The following GNE variants were observed in gnomAD, a reference collection of about 807,000 sequenced individuals.
GNE encodes glucosamine (UDP-N-acetyl)-2-epimerase/N-acetylmannosamine kinase.
GNE carries 41 observed loss-of-function variants against 61.8 expected under a neutral mutation model. The observed-to-expected ratio is 0.66, with a 90% CI of 0.52 to 0.86. GNE has a LOEUF of 0.86. GNE is among the 40% of genes least tolerant of loss of function. The pLI is 0.00. For missense variants in GNE, 608 were observed against 909.1 expected (o/e 0.67, Z 4.26); for synonymous variants, 264 against 326.4 (o/e 0.81, Z 2.06).
At chr9:36,273,746 C>A (rs977877349) in intron 1 of GNE, among the ~76,000 whole-genome samples, 7 of 148,974 alleles carry the variant, frequency 4.7e-5, no homozygotes, top group Non-Finnish European at 1.0e-4. Context: ...TCAGGTGATT[C>A]TCCTGCCTCA....
chr9:36,270,055 G>A (rs778374590), intron 1 of GNE, among the ~76,000 whole-genome samples: 2 of 152,034 alleles, frequency 1.3e-5, no homozygotes, highest in Non-Finnish European at 2.9e-5. Context: ...TCAAAATCCT[G>A]GGCTCAAGCG....
At chr9:36,267,554 G>A (rs1293374901) in intron 1 of GNE, among the ~76,000 whole-genome samples, 1 of 151,864 alleles carries the variant, frequency 6.6e-6, no homozygotes, top group Non-Finnish European at 1.5e-5. Flanking sequence ...AAATTAGTCA[G>A]GCGTGGTGGC....
At chr9:36,274,115 T>TGTGTGTGTGA (rs1273335048) in intron 1 of GNE, among the ~76,000 whole-genome samples, 3 of 144,566 alleles carry the variant, frequency 2.1e-5, no homozygotes, top group African/African-American at 7.7e-5. Context: ...TGTGTGTGTG[T>TGTGTGTGTGA]GACAGGGTCT....
At chr9:36,259,657 T>G (rs1830540992), upstream of GNE, among the ~76,000 whole-genome samples, 1 of 152,180 alleles carries the variant, frequency 6.6e-6, no homozygotes, top group African/African-American at 2.4e-5. Context: ...CAGATTTCTT[T>G]TTTGTTTGTT....
intron 3 of GNE, 56 bp downstream of exon 3, chr9:36,245,975 C>A: frequency 7.5e-7 from 1 of 1,334,758 alleles, no homozygotes; most frequent in Non-Finnish European, 1.1e-6. Flanking sequence ...TTGAAATAGA[C>A]GGAACATTTT....
chr9:36,229,297 CATCAAACACTT>C (rs1829035728), intron 5 of GNE, among the ~76,000 whole-genome samples, 189 bp from the exon 6 acceptor site: 1 of 152,182 alleles, frequency 6.6e-6, no homozygotes, highest in African/African-American at 2.4e-5. Flanking sequence ...GATTTCAGTA[CATCAAACACTT>C]AAGGGCCCTA....
At chr9:36,223,311 C>A in intron 8 of GNE, 62 bp downstream of exon 8, 3 of 1,457,582 alleles carry the variant, frequency 2.1e-6, no homozygotes, top group South Asian at 1.1e-5. Context: ...GCATGCATCA[C>A]AAGTTAGTAA....
intron 1 of GNE, among the ~76,000 whole-genome samples, chr9:36,274,439 T>C (rs1467790380): frequency 6.6e-6 from 1 of 152,112 alleles, no homozygotes; most frequent in Non-Finnish European, 1.5e-5. Flanking sequence ...CCTGGCCACG[T>C]ACCCTCTTTT....
upstream of GNE, among the ~76,000 whole-genome samples, chr9:36,259,795 G>A (rs1587369515): frequency 1.3e-5 from 2 of 152,194 alleles, no homozygotes; most frequent in Middle Eastern, 6.8e-3. Context: ...CGAGTAGCTG[G>A]GATTACAGGC....
chr9:36,272,277 C>T (rs1349752850), intron 1 of GNE, among the ~76,000 whole-genome samples: 4 of 152,072 alleles, frequency 2.6e-5, no homozygotes, highest in South Asian at 2.1e-4. Flanking sequence ...TCACTATAAT[C>T]GGGAGAGTTT....
chr9:36,227,495 C>T (rs779700432), intron 6 of GNE, 37 bp from the exon 7 acceptor site: 1 of 1,268,108 alleles, frequency 7.9e-7, no homozygotes, highest in Non-Finnish European at 1.2e-6. Flanking sequence ...TTATATGCTT[C>T]TGCCATACAT....
chr9:36,266,532 G>A (rs554875274), intron 1 of GNE, among the ~76,000 whole-genome samples: 10 of 152,280 alleles, frequency 6.6e-5, no homozygotes, highest in African/African-American at 2.4e-4. Flanking sequence ...CCAGCAGTTT[G>A]GGAGGCCGAG....
At chr9:36,223,283 C>T (rs1828690862) in intron 8 of GNE, 90 bp downstream of exon 8, 1 of 1,228,448 alleles carries the variant, frequency 8.1e-7, no homozygotes, top group South Asian at 1.2e-5. Flanking sequence ...ACAGGGCAGA[C>T]ACTGACTTGA....
intron 1 of GNE, chr9:36,263,502 T>TA (rs1440121960): frequency 6.5e-6 from 1 of 154,770 alleles, no homozygotes; most frequent in Non-Finnish European, 1.5e-5. Flanking sequence ...TTCCATTAGT[T>TA]AAGAGTTCAC....
upstream of GNE, among the ~76,000 whole-genome samples, chr9:36,260,085 G>T (rs1830554538): frequency 6.6e-6 from 1 of 151,968 alleles, no homozygotes; most frequent in Non-Finnish European, 1.5e-5. Context: ...CTTAATTATA[G>T]GTTAGATATA....
At chr9:36,259,751 C>T (rs1326624084), upstream of GNE, among the ~76,000 whole-genome samples, 3 of 152,228 alleles carry the variant, frequency 2.0e-5, no homozygotes, top group African/African-American at 7.2e-5. Context: ...ACCTCCACCT[C>T]CCAGGTTCAA....
In GNE at chr9:36,217,527, T is replaced by A. The variant is rs768447757; in HGVS notation, c.2007A>T (p.Gly669=). 8 of 1,614,056 alleles carry A rather than the reference T, an allele frequency of 5.0e-6. No homozygotes were observed. In the South Asian group the frequency reaches 8.8e-5, roughly 18 times the overall value. Residue 669 remains glycine (G), a synonymous_variant, in exon 12 of 12, where the codon GGA becomes GGT. Transcript: ENST00000642385. ...TMNPSLVILS[G]VLASHYIHIV... ...TGTGGATATAGTGACTGGCCAGGAC[T>A]CCGGAGAGGATCACAAGGGAGGGAT...
chr9:36,242,564 T>C (rs2769158), intron 3 of GNE, among the ~76,000 whole-genome samples: 147,917 of 152,070 alleles, frequency 0.97, 72,056 homozygotes, highest in East Asian at 1. Flanking sequence ...GGACTACAGG[T>C]GTGCGCCACC....
intron 9 of GNE, 115 bp downstream of exon 9, chr9:36,222,662 C>A (rs1004615053): frequency 8.5e-6 from 7 of 819,542 alleles, no homozygotes; most frequent in Non-Finnish European, 4.4e-6. Flanking sequence ...CACCTTCAGG[C>A]TCTAGTCATG....
Sources: allele counts gnomAD v4.1 joint callset (sites outside exome capture counted in the v4.1 genomes callset), GRCh38; gene constraint gnomAD v4.1.1; transcripts MANE v1.5; gene names NCBI Gene and HGNC (gene_info 2026-07-23, HGNC 2026-07-21).